The following NAA16 variants were observed in gnomAD, a reference collection of about 807,000 sequenced individuals.
The protein encoded by NAA16 is N-alpha-acetyltransferase 16, NatA auxiliary subunit.
In NAA16, 97 loss-of-function variants were observed where a neutral mutation model predicts 110.3. The ratio of observed to expected loss-of-function variants is 0.88; its 90% CI spans 0.75 to 1.04. NAA16 has a LOEUF of 1.04. Among genes scored for constraint, NAA16 ranks in the 50% least tolerant of loss-of-function variants. The probability of loss-of-function intolerance (pLI) is 0.00; values close to 1 mark genes in which losing one functional copy is unlikely to be tolerated. For missense variants in NAA16, 1,017 were observed against 1,005.1 expected (o/e 1.01, Z -0.16); for synonymous variants, 372 against 330.6 (o/e 1.13, Z -1.36).
Position 41,336,659 on chromosome 13 carries a change from T to G in NAA16, c.917T>G (p.Phe306Cys). Residue 306 changes from phenylalanine to cysteine, a missense_variant, in exon 9 of 20, where the codon TTT (phenylalanine) becomes TGT (cysteine). Coordinates refer to ENST00000379406, the MANE Select transcript of NAA16 (RefSeq NM_024561.5). ...LPLTLVPGER[F>C]RELMDKFLRV... ...ACGCTTTTGTTTCTAGGTGAAAGAT[T>G]TAGAGAACTAATGGATAAGTTCCTG... 6.3e-7 allele frequency: 1 copy of G among 1,584,482 alleles called. No individual in the cohort carries two copies. Among genetic ancestry groups the G allele is most frequent in the Non-Finnish European group, 8.6e-7 (1 of 1,162,298 alleles).
intron 9 of NAA16, among the ~76,000 whole-genome samples, chr13:41,353,402 ATTT>A (rs915687946): frequency 6.7e-6 from 1 of 148,152 alleles, no homozygotes; most frequent in Non-Finnish European, 1.5e-5. Flanking sequence ...AGTCTTTGCA[ATTT>A]TTTTTTTTAT....
At chr13:41,326,867 C>A (rs2042105743) in intron 6 of NAA16, among the ~76,000 whole-genome samples, 1 of 152,114 alleles carries the variant, frequency 6.6e-6, no homozygotes, top group Non-Finnish European at 1.5e-5. Flanking sequence ...ATGTATTCAC[C>A]ACTGTAGTAT....
At chr13:41,335,124 G>T (rs574258666) in intron 8 of NAA16, among the ~76,000 whole-genome samples, 2 of 152,298 alleles carry the variant, frequency 1.3e-5, no homozygotes, top group African/African-American at 4.8e-5. Context: ...GTTCAGAGTG[G>T]CTTCTGCCAT....
intron 2 of NAA16, among the ~76,000 whole-genome samples, chr13:41,317,707 T>C (rs1207487966): frequency 6.6e-6 from 1 of 152,238 alleles, no homozygotes; most frequent in African/African-American, 2.4e-5. Context: ...GCTTTTTAGC[T>C]GTGGAAGCTT....
chr13:41,359,063 A>C, intron 12 of NAA16, 101 bp downstream of exon 12: 4 of 998,782 alleles, frequency 4.0e-6, no homozygotes, highest in Non-Finnish European at 4.2e-6. Flanking sequence ...GTGGAAGTTC[A>C]TAAAAATTCA....
At chr13:41,345,409 G>A (rs369274889) in intron 9 of NAA16, among the ~76,000 whole-genome samples, 57 of 152,236 alleles carry the variant, frequency 3.7e-4, no homozygotes, top group African/African-American at 1.3e-3. Context: ...TTGAGGTTTT[G>A]CTTTGCATTT....
chr13:41,332,061 T>C (rs2042253621), intron 8 of NAA16, among the ~76,000 whole-genome samples: 2 of 152,162 alleles, frequency 1.3e-5, no homozygotes, highest in African/African-American at 4.8e-5. Context: ...AGTTTTTGTG[T>C]TTTTGTTTTT....
Position 41,374,843 on chromosome 13 carries a change from A to G in NAA16, c.2397+4A>G. ...TATAAAAGATAAAGATGTAAAGGTA[A>G]GTTTTTTTTCTTTGGCTGATTTATG... is the stretch of plus-strand genomic sequence containing the variant. On this transcript the variant is annotated splice_donor_region_variant and intron_variant, in intron 19 of 19. Transcript: ENST00000379406. 1 of 1,581,590 alleles carries G rather than the reference A, an allele frequency of 6.3e-7. No homozygotes were observed. The highest frequency in any genetic ancestry group is 8.6e-7 in the Non-Finnish European group (1 of 1,157,648).
At chr13:41,367,675 G>A in intron 14 of NAA16, 23 bp downstream of exon 14, 1 of 1,492,226 alleles carries the variant, frequency 6.7e-7, no homozygotes. Flanking sequence ...GAACTTAAAA[G>A]ATTTTAAAAG....
Position 41,367,430 on chromosome 13 carries a change from GT to G in NAA16, c.1540-4del. The G allele has an allele frequency of 6.4e-7, 1 of 1,569,914 alleles. No homozygotes were observed. The highest frequency in any genetic ancestry group is 1.7e-4 in the Middle Eastern group (1 of 5,906). ...TGTAAAGGTTAATTTTGTGATTTTT[GT>G]TTTTAAGCATTTTTTTGAGATAACT... On this transcript the variant is annotated splice_region_variant and splice_polypyrimidine_tract_variant and intron_variant, in intron 13 of 19. Coordinates refer to ENST00000379406, the MANE Select transcript of NAA16 (RefSeq NM_024561.5).
At chr13:41,334,260 CAGAACA>C (rs1304174563) in intron 8 of NAA16, among the ~76,000 whole-genome samples, 1 of 152,012 alleles carries the variant, frequency 6.6e-6, no homozygotes, top group East Asian at 1.9e-4. Context: ...TTCATACCTA[CAGAACA>C]ATAAGGAAAT....
intron 9 of NAA16, among the ~76,000 whole-genome samples, chr13:41,347,578 C>G (rs769628716): frequency 2.0e-5 from 3 of 151,872 alleles, no homozygotes; most frequent in Non-Finnish European, 2.9e-5. Flanking sequence ...TAAATTTGTT[C>G]CTAAGCATGC....
At chr13:41,351,446 GTAGTGTACTTAATT>G (rs2042832696) in intron 9 of NAA16, among the ~76,000 whole-genome samples, 1 of 152,142 alleles carries the variant, frequency 6.6e-6, no homozygotes, top group African/African-American at 2.4e-5. Context: ...TGCTGGTAAA[GTAGTGTACTTAATT>G]TAGTAACTTT....
intron 1 of NAA16, among the ~76,000 whole-genome samples, chr13:41,316,309 T>A (rs1466403560): frequency 6.6e-6 from 1 of 150,402 alleles, no homozygotes; most frequent in Non-Finnish European, 1.5e-5. Flanking sequence ...TTTGTAATTT[T>A]TTTTTTTTTT....
chr13:41,311,493 C>T lies in NAA16; in HGVS notation c.-36C>T, dbSNP rs1432292560. 1.3e-6 allele frequency: 2 copies of T among 1,571,834 alleles called. No individual in the cohort carries two copies. Among genetic ancestry groups the T allele is most frequent in the Non-Finnish European group, 1.7e-6 (2 of 1,159,140 alleles). Reference sequence around the variant, plus strand: ...GAAGCGGAGCGCCCGGGCACCTAGCCTCCCTGCCGGCCACCTAGCCTCCCT... The same window carrying T: ...GAAGCGGAGCGCCCGGGCACCTAGCTTCCCTGCCGGCCACCTAGCCTCCCT... On this transcript the variant is annotated 5_prime_UTR_variant, in exon 1 of 20. Transcript: ENST00000379406.
intron 12 of NAA16, among the ~76,000 whole-genome samples, chr13:41,359,738 A>G (rs2043073081): frequency 7.0e-6 from 1 of 143,778 alleles, no homozygotes; most frequent in Non-Finnish European, 1.5e-5. Context: ...TTATACAAGA[A>G]AATATAAAGG....
chr13:41,336,397 C>G (rs1354700715), intron 8 of NAA16, among the ~76,000 whole-genome samples: 1 of 152,090 alleles, frequency 6.6e-6, no homozygotes, highest in African/African-American at 2.4e-5. Context: ...CTGCAGAGTG[C>G]TTTATGCATA....
At chr13:41,330,822 A>AT (rs1054443635) in intron 7 of NAA16, among the ~76,000 whole-genome samples, 5 of 152,090 alleles carry the variant, frequency 3.3e-5, no homozygotes, top group African/African-American at 1.2e-4. Flanking sequence ...TATTTTAAAC[A>AT]TTTGCAATCG....
At chr13:41,323,355 T>C (rs1390063776) in intron 5 of NAA16, among the ~76,000 whole-genome samples, 165 bp downstream of exon 5, 6 of 148,946 alleles carry the variant, frequency 4.0e-5, no homozygotes, top group Non-Finnish European at 9.0e-5. Context: ...TTCTCTCTCT[T>C]TTTTTTTTTT....
Sources: allele counts gnomAD v4.1 joint callset (sites outside exome capture counted in the v4.1 genomes callset), GRCh38; gene constraint gnomAD v4.1.1; transcripts MANE v1.5; gene names NCBI Gene and HGNC (gene_info 2026-07-23, HGNC 2026-07-21).